The following MYO9A variants were observed in gnomAD, a reference collection of about 807,000 sequenced individuals.
The protein encoded by MYO9A is myosin IXA, also known as unconventional myosin-IXa.
In MYO9A, 103 loss-of-function variants were observed where a neutral mutation model predicts 293.3. That is an observed-to-expected ratio of 0.35 (90% CI 0.30 to 0.41). The LOEUF is 0.41. Ranked by LOEUF, MYO9A falls within the 10% of genes least tolerant of loss-of-function variation. The pLI, the probability that MYO9A is intolerant of heterozygous loss-of-function variation, is 1.00. For synonymous variants in MYO9A, 1,001 were observed against 1,035.7 expected (o/e 0.97, Z 0.64); for missense variants, 2,685 against 3,033.0 (o/e 0.89, Z 2.69).
intron 22 of MYO9A, 111 bp from the exon 23 acceptor site, chr15:71,901,451 G>T (rs2057481178): frequency 4.5e-6 from 5 of 1,110,418 alleles, no homozygotes; most frequent in Admixed American, 5.7e-5. Flanking sequence ...CACAGTGGCA[G>T]GCATGTAAAT....
Position 72,070,661 on chromosome 15 carries a change from G to A in MYO9A, c.-71-24027C>T, listed in dbSNP as rs2150162574. Among the ~76,000 whole-genome samples the A allele has an allele frequency of 2.0e-5, 3 of 152,170 alleles. No homozygotes were observed. The South Asian group carries it at 6.2e-4, about 32-fold the overall frequency. ...ACCAAAACCGCGCCACTGCACTCCA[G>A]CTGGGCAACAAAGTAAGATTCCATC... On this transcript the variant is annotated intron_variant, in intron 1 of 41. Transcript: ENST00000356056.
chr15:72,012,519 A>G (rs1478432586), intron 6 of MYO9A, among the ~76,000 whole-genome samples: 1 of 151,964 alleles, frequency 6.6e-6, no homozygotes, highest in Non-Finnish European at 1.5e-5. Context: ...GCTGGTCTCA[A>G]ACTCCTGACC....
rs765925668 is a variant in MYO9A at position 71,916,411 on chromosome 15, G to A, written c.2644C>T (p.His882Tyr). 1.2e-6 allele frequency: 2 copies of A among 1,613,230 alleles called. No individual in the cohort carries two copies. The highest frequency in any genetic ancestry group is 2.2e-5 in the South Asian group (2 of 90,900). The change falls in exon 19 of 42, where the codon CAC becomes TAC. Residue 882 changes from histidine (H) to tyrosine (Y), a missense_variant. His to Tyr is a moderately conservative substitution (Grantham distance 83, BLOSUM62 2). Transcript: ENST00000356056. ...DRITKSLLHL[H>Y]KKKKPPSISA... is the part of the protein sequence containing the mutation. ...ATGCTGGGAGGTTTTTTCTTCTTGT[G>A]TAAATGAAGAAGAGACTTGGTAATG...
rs1410449426 is a variant in MYO9A at position 71,825,999 on chromosome 15, T to TGTTTTG, written c.*580_*581insCAAAAC. On this transcript the variant is annotated 3_prime_UTR_variant, in exon 42 of 42. Coordinates refer to ENST00000356056, the MANE Select transcript of MYO9A (RefSeq NM_006901.4). Reference sequence around the variant, plus strand: ...AAACAATCACGGTTTTTTTTTGTTTTTTTTTTTTTGTTTTTTTTTTTTGTT... The same window carrying TGTTTTG: ...AAACAATCACGGTTTTTTTTTGTTTTGTTTTGTTTTTTTTTGTTTTTTTTTTTTGTT... 1 of 120,690 alleles carries TGTTTTG rather than the reference T, an allele frequency of 8.3e-6. No homozygotes were observed. Among genetic ancestry groups the TGTTTTG allele is most frequent in the African/African-American group, 3.9e-5 (1 of 25,892 alleles). The allele number at this position is 120,690 out of a possible 1,614,324, so 7.5% of individuals were successfully genotyped here. A position where few individuals can be genotyped will look rare whatever the true frequency, so the allele number is the denominator to read the frequency against.
intron 18 of MYO9A, among the ~76,000 whole-genome samples, chr15:71,928,033 T>C (rs957643531): frequency 1.2e-3 from 10 of 8,534 alleles, no homozygotes; most frequent in East Asian, 6.2e-3. Flanking sequence ...TTCTAATATA[T>C]ATATATATAT....
At chr15:71,978,619 T>C (rs2076199760) in intron 11 of MYO9A, among the ~76,000 whole-genome samples, 1 of 151,970 alleles carries the variant, frequency 6.6e-6, no homozygotes, top group South Asian at 2.1e-4. Context: ...GGCTAATATC[T>C]CCCACATGAC....
intron 1 of MYO9A, among the ~76,000 whole-genome samples, chr15:72,105,527 G>A (rs1254581028): frequency 4.1e-5 from 1 of 24,436 alleles, no homozygotes; most frequent in African/African-American, 1.7e-4. Context: ...TTTTTTTTTT[G>A]AGACAGTTTC....
intron 12 of MYO9A, among the ~76,000 whole-genome samples, chr15:71,972,959 C>T (rs1484951254): frequency 2.0e-5 from 3 of 152,074 alleles, no homozygotes; most frequent in Non-Finnish European, 1.5e-5. Context: ...AATGAACTGG[C>T]TGTTATAAAT....
chr15:71,975,192 T>C (rs997666989), intron 12 of MYO9A, among the ~76,000 whole-genome samples: 1 of 152,204 alleles, frequency 6.6e-6, no homozygotes, highest in African/African-American at 2.4e-5. Context: ...TAATTACTAA[T>C]GACTGAATGG....
chr15:71,854,780 G>C (rs1354477011), intron 34 of MYO9A, among the ~76,000 whole-genome samples: 2 of 152,166 alleles, frequency 1.3e-5, no homozygotes, highest in Admixed American at 1.3e-4. Context: ...GAAAATAATG[G>C]AGTGAAGAAT....
chr15:71,986,312 CA>C (rs1472865001), intron 11 of MYO9A, among the ~76,000 whole-genome samples: 1 of 152,162 alleles, frequency 6.6e-6, no homozygotes, highest in Non-Finnish European at 1.5e-5. Flanking sequence ...TATTCTTCAG[CA>C]GGGGGTCCTG....
At chr15:71,978,755 T>C (rs186043177) in intron 11 of MYO9A, among the ~76,000 whole-genome samples, 2 of 148,912 alleles carry the variant, frequency 1.3e-5, no homozygotes, top group Non-Finnish European at 3.0e-5. Context: ...CACTAAACTT[T>C]GGCAAAATAT....
chr15:71,950,292 A>T (rs28470660), intron 15 of MYO9A: 1 of 152,236 alleles, frequency 6.6e-6, no homozygotes. Flanking sequence ...GTGAACACAC[A>T]TAGACACACA....
chr15:71,935,445 A>C lies in MYO9A; in HGVS notation c.2418T>G (p.Ile806Met), dbSNP rs1253583980. The C allele has an allele frequency of 6.2e-7, 1 of 1,613,508 alleles. No homozygotes were observed. Among genetic ancestry groups the C allele is most frequent in the African/African-American group, 1.3e-5 (1 of 74,908 alleles). ...TGCCACTTGATAGTCTGCTCTGGCGAATCCCAGTTCTGCCATTCCAGGCAA... is the reference window on the plus strand; with the variant it reads ...TGCCACTTGATAGTCTGCTCTGGCGCATCCCAGTTCTGCCATTCCAGGCAA... ...FDIAWNGRTG[I>M]RQSRLSSGTS... Residue 806 changes from isoleucine (I) to methionine (M), a missense_variant, in exon 17 of 42, where the codon ATT becomes ATG. By Grantham distance (10) the Ile-to-Met change is conservative. Transcript: ENST00000356056.
intron 37 of MYO9A, 131 bp downstream of exon 37, chr15:71,851,122 T>C: frequency 1.4e-6 from 1 of 705,708 alleles, no homozygotes; most frequent in Non-Finnish European, 2.3e-6. Flanking sequence ...AACCACCTGT[T>C]TGAGACACTG....
chr15:72,057,261 T>G (rs972403191), intron 1 of MYO9A, among the ~76,000 whole-genome samples: 67 of 152,138 alleles, frequency 4.4e-4, no homozygotes, highest in African/African-American at 1.6e-3. Flanking sequence ...AGAGCAAGAC[T>G]CCATCTCAAA....
intron 1 of MYO9A, among the ~76,000 whole-genome samples, chr15:72,066,844 G>T (rs914824490): frequency 1.3e-5 from 2 of 151,764 alleles, no homozygotes; most frequent in Non-Finnish European, 1.5e-5. Flanking sequence ...TTGCTCTCCA[G>T]CCTGGGCAAC....
At chr15:72,078,150 T>C (rs904917542) in intron 1 of MYO9A, among the ~76,000 whole-genome samples, 2 of 152,150 alleles carry the variant, frequency 1.3e-5, no homozygotes, top group African/African-American at 2.4e-5. Context: ...TTTTGCCATA[T>C]AATCTACCAA....
intron 17 of MYO9A, among the ~76,000 whole-genome samples, chr15:71,934,925 CT>C (rs2058593677): frequency 6.7e-6 from 1 of 149,966 alleles, no homozygotes; most frequent in South Asian, 2.1e-4. Flanking sequence ...TTATATATCA[CT>C]CAACCATTCA....
Sources: gnomAD v4.1 joint callset for allele counts (sites outside exome capture counted in the v4.1 genomes callset) on GRCh38, gnomAD v4.1.1 for gene constraint, MANE v1.5 for transcripts, NCBI Gene and HGNC (gene_info 2026-07-23, HGNC 2026-07-21) for gene names.